The following SULF2 variants were observed in gnomAD, a reference collection of about 807,000 sequenced individuals.
The protein encoded by SULF2 is extracellular sulfatase Sulf-2.
SULF2 carries 52 observed loss-of-function variants against 107.7 expected under a neutral mutation model. The observed-to-expected ratio is 0.48, with a 90% CI of 0.39 to 0.61. The LOEUF (loss-of-function observed/expected upper bound fraction) is 0.61. Ranked by LOEUF, SULF2 falls within the 20% of genes least tolerant of loss-of-function variation. The probability of loss-of-function intolerance (pLI) is 0.00; values close to 1 mark genes in which losing one functional copy is unlikely to be tolerated. For missense variants in SULF2, 993 were observed against 1,177.3 expected (o/e 0.84, Z 2.29); for synonymous variants, 460 against 464.3 (o/e 0.99, Z 0.12).
intron 5 of SULF2, 194 bp downstream of exon 5, chr20:47,689,932 G>A (rs1038582013): frequency 8.2e-6 from 4 of 488,830 alleles, no homozygotes; most frequent in South Asian, 1.1e-4. Context: ...TCCTGCCTTG[G>A]TCTGTTGCCC....
At chr20:47,776,727 G>A (rs529649477) in intron 1 of SULF2, among the ~76,000 whole-genome samples, 1 of 152,184 alleles carries the variant, frequency 6.6e-6, no homozygotes, top group Non-Finnish European at 1.5e-5. Context: ...CTGCAAGGCC[G>A]TGAGGTCCCT....
intron 3 of SULF2, among the ~76,000 whole-genome samples, chr20:47,725,527 T>A (rs1436056377): frequency 6.6e-6 from 1 of 152,170 alleles, no homozygotes; most frequent in Non-Finnish European, 1.5e-5. Flanking sequence ...GGCAATGCAG[T>A]CACAGAGTTT....
chr20:47,731,187 C>CTTTTTTTTTTTTTTTTTT (rs71183273), intron 3 of SULF2, among the ~76,000 whole-genome samples: 3 of 81,180 alleles, frequency 3.7e-5, no homozygotes, highest in African/African-American at 1.2e-4. Flanking sequence ...TGTATCTTCT[C>CTTTTTTTTTTTTTTTTTT]TTTTTTTTTT....
At chr20:47,673,859 C>T (rs1029872152) in intron 10 of SULF2, among the ~76,000 whole-genome samples, 33 of 152,220 alleles carry the variant, frequency 2.2e-4, no homozygotes, top group African/African-American at 7.2e-4. Context: ...TCAAGAAAAG[C>T]CAGGGCTCTG....
intron 3 of SULF2, among the ~76,000 whole-genome samples, chr20:47,717,061 T>C (rs762913362): frequency 2.0e-4 from 31 of 152,104 alleles, no homozygotes; most frequent in Non-Finnish European, 3.7e-4. Context: ...AGTATTTTAA[T>C]CCTTTTTAGA....
intron 1 of SULF2, among the ~76,000 whole-genome samples, chr20:47,782,676 C>T (rs1161070081): frequency 6.6e-6 from 1 of 152,144 alleles, no homozygotes; most frequent in African/African-American, 2.4e-5. Flanking sequence ...GTTCACCTGG[C>T]TTTTCCATCA....
intron 2 of SULF2, among the ~76,000 whole-genome samples, chr20:47,744,878 T>C (rs540985546): frequency 1.3e-5 from 2 of 152,160 alleles, no homozygotes; most frequent in Non-Finnish European, 2.9e-5. Flanking sequence ...TCCTGATTCC[T>C]CTCTTACCTG....
At chr20:47,673,496 C>G (rs11696412) in intron 10 of SULF2, among the ~76,000 whole-genome samples, 3 of 152,108 alleles carry the variant, frequency 2.0e-5, no homozygotes, top group African/African-American at 7.2e-5. Flanking sequence ...ACCATCCCCC[C>G]CAACCCTCTG....
At chr20:47,760,149 G>A (rs1330682184) in intron 1 of SULF2, among the ~76,000 whole-genome samples, 1 of 152,162 alleles carries the variant, frequency 6.6e-6, no homozygotes. Context: ...CGAGGAGCTG[G>A]CCACTGTGTT....
intron 2 of SULF2, among the ~76,000 whole-genome samples, chr20:47,753,196 T>C (rs1455859746): frequency 6.6e-6 from 1 of 151,620 alleles, no homozygotes; most frequent in Non-Finnish European, 1.5e-5. Flanking sequence ...CTGAGGGGCC[T>C]CGAAAAGGCA....
chr20:47,717,769 G>T (rs1038413838), intron 3 of SULF2, among the ~76,000 whole-genome samples: 1 of 151,520 alleles, frequency 6.6e-6, no homozygotes, highest in Non-Finnish European at 1.5e-5. Flanking sequence ...AGCCATAGTC[G>T]TTATCCAGAT....
rs1412276898 is a variant in SULF2, at chr20:47,684,584, G to A, written c.738-3C>T. ...GCGCGTAGTTGTAGCTCGGCGTGCT[G>A]GTGGGCAAGGACATACACATCGGTC... On this transcript the variant is annotated splice_region_variant and splice_polypyrimidine_tract_variant and intron_variant, in intron 5 of 20. Coordinates refer to ENST00000688720, the MANE Select transcript of SULF2 (RefSeq NM_001387048.1). 1.2e-6 allele frequency: 2 copies of A among 1,613,314 alleles called. No individual in the cohort carries two copies. Among genetic ancestry groups the A allele is most frequent in the Admixed American group, 1.7e-5 (1 of 59,958 alleles).
chr20:47,661,900 G>C lies in SULF2; in HGVS notation c.2371-4C>G. On this transcript the variant is annotated splice_polypyrimidine_tract_variant and splice_region_variant and intron_variant, in intron 17 of 20. Transcript: ENST00000688720. Reference sequence around the variant, plus strand: ...GTGTGTTCACTGCATTCATCAGCTGGTTGCAAAAAAGGTAGTCTGTCAACA... The same window carrying C: ...GTGTGTTCACTGCATTCATCAGCTGCTTGCAAAAAAGGTAGTCTGTCAACA... 2 of 1,539,392 alleles carry C rather than the reference G, an allele frequency of 1.3e-6. No homozygotes were observed. Among genetic ancestry groups the C allele is most frequent in the Non-Finnish European group, 1.8e-6 (2 of 1,131,344 alleles).
At chr20:47,717,443 A>G (rs550108997) in intron 3 of SULF2, among the ~76,000 whole-genome samples, 1 of 152,242 alleles carries the variant, frequency 6.6e-6, no homozygotes, top group African/African-American at 2.4e-5. Context: ...GCGACCACAG[A>G]CTGGAGCTCT....
chr20:47,770,968 G>A (rs978776287), intron 1 of SULF2, among the ~76,000 whole-genome samples: 3 of 152,184 alleles, frequency 2.0e-5, no homozygotes, highest in African/African-American at 7.2e-5. Context: ...TTCAAGGGGA[G>A]GGGACACAGA....
At chr20:47,715,885 G>A (rs1241253525) in intron 3 of SULF2, among the ~76,000 whole-genome samples, 7 of 152,284 alleles carry the variant, frequency 4.6e-5, no homozygotes, top group African/African-American at 1.2e-4. Context: ...GGCTGAGAAC[G>A]TAGATTTGTT....
At chr20:47,662,420 GT>G (rs2087106951) in intron 17 of SULF2, among the ~76,000 whole-genome samples, 1 of 152,202 alleles carries the variant, frequency 6.6e-6, no homozygotes, top group South Asian at 2.1e-4. Flanking sequence ...TAAAGCATTT[GT>G]GCTGCTGACA....
At chr20:47,765,295 A>G (rs901599542) in intron 1 of SULF2, among the ~76,000 whole-genome samples, 3 of 151,428 alleles carry the variant, frequency 2.0e-5, no homozygotes, top group Non-Finnish European at 4.4e-5. Flanking sequence ...TGGAGCCTGC[A>G]GTGAGCCGAG....
At chr20:47,709,731 T>C (rs2088862762) in intron 3 of SULF2, among the ~76,000 whole-genome samples, 1 of 151,822 alleles carries the variant, frequency 6.6e-6, no homozygotes, top group South Asian at 2.1e-4. Context: ...CTGGCAGCCA[T>C]CTTGCCACCA....
Sources: gnomAD v4.1 joint callset for allele counts (sites outside exome capture counted in the v4.1 genomes callset) on GRCh38, gnomAD v4.1.1 for gene constraint, MANE v1.5 for transcripts, NCBI Gene and HGNC (gene_info 2026-07-23, HGNC 2026-07-21) for gene names.